Variants in CAPS2 observed in about 807,000 individuals in gnomAD.
CAPS2 encodes calcyphosine 2.
Under a neutral mutation model 86.5 loss-of-function variants are expected in CAPS2, and 98 were observed. The ratio of observed to expected loss-of-function variants is 1.13; its 90% CI spans 0.96 to 1.34. CAPS2 has a LOEUF of 1.34. CAPS2 is among the 40% of genes most tolerant of loss of function. The pLI is 0.00. For missense variants in CAPS2, 729 were observed against 686.8 expected, an observed-to-expected ratio of 1.06 and a Z score of -0.69; for synonymous variants, 210 against 225.1, an observed-to-expected ratio of 0.93 and a Z score of 0.60.
intron 1 of CAPS2, chr12:75,360,940 G>A (rs1332095645): frequency 1.3e-5 from 2 of 152,118 alleles, no homozygotes; most frequent in South Asian, 2.1e-4. Context: ...GCCCAACACT[G>A]TTGCAGTCTT....
Position 75,291,566 on chromosome 12 carries a change from AGTATATATAT to A in CAPS2, c.1240+168_1240+177del, listed in dbSNP as rs1464106283. ...TATATATATATAGCTTATTTTTAAA[AGTATATATAT>A]ATATATATATATATATATATATATA... is the stretch of plus-strand genomic sequence containing the variant. On this transcript the variant is annotated intron_variant, in intron 13 of 16. Transcript: ENST00000393284. Among the ~76,000 whole-genome samples the A allele has an allele frequency of 4.8e-4, 20 of 41,826 alleles. 1 individual carries two copies. Among genetic ancestry groups the A allele is most frequent in the Non-Finnish European group, 6.9e-4 (17 of 24,502 alleles). The allele number at this position is 41,826 out of a possible 152,430, so 27.4% of individuals were successfully genotyped here.
At chr12:75,289,599 G>C (rs1191308408) in intron 14 of CAPS2, 22 bp downstream of exon 14, 1 of 1,587,728 alleles carries the variant, frequency 6.3e-7, no homozygotes, top group Middle Eastern at 1.8e-4. Context: ...ATCTGCTGCA[G>C]AGAATTTTCT....
intron 1 of CAPS2, among the ~76,000 whole-genome samples, chr12:75,376,554 A>T (rs535105039): frequency 2.0e-5 from 3 of 152,312 alleles, no homozygotes; most frequent in African/African-American, 7.2e-5. Flanking sequence ...TACAGGGTTA[A>T]TCTCCTGAAA....
chr12:75,390,771 T>C, intron 1 of CAPS2: 1 of 514,314 alleles, frequency 1.9e-6, no homozygotes, highest in Non-Finnish European at 3.9e-6. Flanking sequence ...CGACATATCA[T>C]TCAGTGTCAG....
chr12:75,351,167 C>T (rs1320023318), intron 1 of CAPS2, among the ~76,000 whole-genome samples: 2 of 152,052 alleles, frequency 1.3e-5, no homozygotes, highest in African/African-American at 4.8e-5. Context: ...ACAAACAAAA[C>T]CTGTGAGAAC....
chr12:75,321,011 C>T (rs1002901931), intron 5 of CAPS2, among the ~76,000 whole-genome samples: 1 of 151,922 alleles, frequency 6.6e-6, no homozygotes, highest in African/African-American at 2.4e-5. Flanking sequence ...ACCAGGATCA[C>T]CATAAAGTCT....
chr12:75,352,187 G>A (rs1028845617), intron 1 of CAPS2, among the ~76,000 whole-genome samples: 7 of 152,136 alleles, frequency 4.6e-5, no homozygotes, highest in African/African-American at 1.4e-4. Context: ...TGGCCTAAAG[G>A]CCCCATATAA....
At chr12:75,319,542 C>A (rs1015462878) in intron 5 of CAPS2, among the ~76,000 whole-genome samples, 2 of 152,082 alleles carry the variant, frequency 1.3e-5, no homozygotes, top group Non-Finnish European at 2.9e-5. Flanking sequence ...CTCATGAAGC[C>A]AAATAAACCC....
chr12:75,387,007 C>A (rs542940436), intron 1 of CAPS2, among the ~76,000 whole-genome samples: 2 of 152,174 alleles, frequency 1.3e-5, no homozygotes, highest in Admixed American at 1.3e-4. Flanking sequence ...TTGGCAATAA[C>A]CTTTTAGATA....
exon 17 of CAPS2, chr12:75,277,818 C>T: frequency 4.5e-6 from 4 of 894,740 alleles, no homozygotes; most frequent in Non-Finnish European, 5.4e-6. Context: ...TTGAAAACAA[C>T]TCATAAAGTT....
intron 1 of CAPS2, among the ~76,000 whole-genome samples, chr12:75,350,028 C>G (rs535900238): frequency 2.0e-5 from 3 of 152,244 alleles, no homozygotes; most frequent in Non-Finnish European, 4.4e-5. Context: ...ACTGTGGCTC[C>G]AGTTGGCCAT....
intron 1 of CAPS2, among the ~76,000 whole-genome samples, chr12:75,375,046 G>A (rs1177015010): frequency 6.6e-6 from 1 of 152,110 alleles, no homozygotes; most frequent in Non-Finnish European, 1.5e-5. Context: ...AATCCCCCCA[G>A]GGCTGCAATA....
At chr12:75,359,445 T>C (rs941871937) in intron 1 of CAPS2, among the ~76,000 whole-genome samples, 4 of 149,792 alleles carry the variant, frequency 2.7e-5, no homozygotes, top group South Asian at 2.1e-4. Context: ...AGGATTTTAT[T>C]GTATAAATTG....
At chr12:75,282,140 A>G (rs933554363) in intron 16 of CAPS2, 111 bp downstream of exon 16, 1 of 684,044 alleles carries the variant, frequency 1.5e-6, no homozygotes, top group African/African-American at 1.8e-5. Context: ...TCAAAAAAAT[A>G]GTTTATTTCC....
chr12:75,291,567 GTA>G (rs66622366), intron 13 of CAPS2, among the ~76,000 whole-genome samples, 175 bp downstream of exon 13: 1,176 of 27,596 alleles, frequency 0.043, 16 homozygotes, highest in Middle Eastern at 0.1. Context: ...ATTTTTAAAA[GTA>G]TATATATATA....
chr12:75,384,368 T>C (rs1007610427), intron 1 of CAPS2, among the ~76,000 whole-genome samples: 2 of 152,142 alleles, frequency 1.3e-5, no homozygotes, highest in African/African-American at 4.8e-5. Flanking sequence ...TGAGCAACAC[T>C]GTGAACAACT....
intron 16 of CAPS2, among the ~76,000 whole-genome samples, chr12:75,281,976 C>T (rs971293173): frequency 1.3e-5 from 2 of 151,944 alleles, no homozygotes; most frequent in African/African-American, 4.8e-5. Context: ...ATTTTCTAAA[C>T]CTATTTCATT....
intron 1 of CAPS2, chr12:75,347,753 T>C: frequency 8.4e-6 from 12 of 1,422,360 alleles, no homozygotes; most frequent in Non-Finnish European, 9.8e-6. Context: ...AATATTTTAA[T>C]TGAAATTAAT....
At chr12:75,343,553 A>G in intron 1 of CAPS2, 1 of 663,714 alleles carries the variant, frequency 1.5e-6, no homozygotes, top group Non-Finnish European at 2.5e-6. Flanking sequence ...ATCACTAACT[A>G]TGCACATAAT....
Sources: gnomAD v4.1 joint callset for allele counts (sites outside exome capture counted in the v4.1 genomes callset) on GRCh38, gnomAD v4.1.1 for gene constraint, MANE v1.5 for transcripts, NCBI Gene and HGNC (gene_info 2026-07-23, HGNC 2026-07-21) for gene names.